Variants in C1QTNF7 observed in about 807,000 individuals in gnomAD.
The protein encoded by C1QTNF7 is C1q and TNF related 7.
A neutral mutation model predicts 19.6 loss-of-function variants in C1QTNF7; 15 were observed. The observed-to-expected ratio is 0.76, with a 90% CI of 0.51 to 1.18. The LOEUF (loss-of-function observed/expected upper bound fraction) is 1.18, where lower values mean the gene tolerates loss of function less well. Among genes scored for constraint, C1QTNF7 ranks in the 50% most tolerant of loss-of-function variants. C1QTNF7 has a pLI of 0.00. For missense variants in C1QTNF7, 324 were observed against 359.7 expected (o/e 0.90, Z 0.80); for synonymous variants, 142 against 137.5 (o/e 1.03, Z -0.23).
chr4:15,366,186 G>A (rs1717516527), intron 1 of C1QTNF7, among the ~76,000 whole-genome samples: 2 of 152,280 alleles, frequency 1.3e-5, no homozygotes, highest in South Asian at 4.1e-4. Flanking sequence ...ATTTGCCTGA[G>A]ACTTTTCTGG....
intron 2 of C1QTNF7, 68 bp downstream of exon 2, chr4:15,436,049 G>A: frequency 6.5e-7 from 1 of 1,541,530 alleles, no homozygotes; most frequent in Non-Finnish European, 8.7e-7. Flanking sequence ...CCCTTTCTTT[G>A]TTACTTTTTC....
At chr4:15,410,801 A>G (rs988778155) in intron 1 of C1QTNF7, among the ~76,000 whole-genome samples, 1 of 152,208 alleles carries the variant, frequency 6.6e-6, no homozygotes, top group African/African-American at 2.4e-5. Context: ...CAGAACTATT[A>G]GGGGAACAAA....
At chr4:15,366,882 G>A (rs1717543453) in intron 1 of C1QTNF7, among the ~76,000 whole-genome samples, 1 of 152,166 alleles carries the variant, frequency 6.6e-6, no homozygotes, top group Non-Finnish European at 1.5e-5. Context: ...GCAGGGTCAT[G>A]CTGATGCACA....
At chr4:15,344,495 A>G (rs914782490) in intron 1 of C1QTNF7, among the ~76,000 whole-genome samples, 2 of 152,192 alleles carry the variant, frequency 1.3e-5, no homozygotes, top group African/African-American at 4.8e-5. Flanking sequence ...GACAACCCTC[A>G]GGCCTCAGTA....
intron 1 of C1QTNF7, among the ~76,000 whole-genome samples, chr4:15,414,774 A>G (rs1719530611): frequency 2.6e-5 from 4 of 152,174 alleles, no homozygotes; most frequent in Admixed American, 2.6e-4. Context: ...CTCTGATTCT[A>G]GAGTTGTTCT....
chr4:15,426,835 G>T (rs968349737), upstream of C1QTNF7, among the ~76,000 whole-genome samples: 1 of 152,136 alleles, frequency 6.6e-6, no homozygotes, highest in African/African-American at 2.4e-5. Context: ...GCTTGTAAAT[G>T]GGTGACATCA....
chr4:15,430,580 A>G (rs1712258037), intron 1 of C1QTNF7, among the ~76,000 whole-genome samples: 1 of 152,206 alleles, frequency 6.6e-6, no homozygotes, highest in Admixed American at 6.5e-5. Context: ...TTGGATTGTG[A>G]TGTACATTAA....
intron 1 of C1QTNF7, among the ~76,000 whole-genome samples, chr4:15,417,109 C>T (rs1198216563): frequency 6.6e-6 from 1 of 152,108 alleles, no homozygotes; most frequent in Non-Finnish European, 1.5e-5. Flanking sequence ...CAAATGAGGA[C>T]CTGAAACTAG....
At chr4:15,340,669 T>G (rs1228453234) in intron 1 of C1QTNF7, among the ~76,000 whole-genome samples, 2 of 152,230 alleles carry the variant, frequency 1.3e-5, no homozygotes, top group Non-Finnish European at 2.9e-5. Context: ...TAAGTGCAGT[T>G]ACTATGGCTT....
At chr4:15,430,745 T>C (rs1175220463) in intron 1 of C1QTNF7, among the ~76,000 whole-genome samples, 1 of 152,100 alleles carries the variant, frequency 6.6e-6, no homozygotes, top group Non-Finnish European at 1.5e-5. Context: ...GGGTAAAGAG[T>C]GGATTATTCA....
intron 1 of C1QTNF7, among the ~76,000 whole-genome samples, chr4:15,433,366 C>T (rs1231683685): frequency 6.6e-6 from 1 of 151,936 alleles, no homozygotes. Flanking sequence ...TGCTCCATCA[C>T]CACAGCAAAA....
At chr4:15,442,067 C>A in intron 2 of C1QTNF7, 101 bp from the exon 3 acceptor site, 1 of 1,357,868 alleles carries the variant, frequency 7.4e-7, no homozygotes, top group South Asian at 1.5e-5. Context: ...TAAATGTTGC[C>A]TGAAAAGACA....
chr4:15,436,604 AT>A (rs1712547161), intron 2 of C1QTNF7, among the ~76,000 whole-genome samples: 1 of 152,230 alleles, frequency 6.6e-6, no homozygotes, highest in Non-Finnish European at 1.5e-5. Context: ...TAAAAAGCAG[AT>A]TTTTACAGCT....
intron 1 of C1QTNF7, among the ~76,000 whole-genome samples, chr4:15,382,429 C>T (rs1299501570): frequency 6.6e-6 from 1 of 151,674 alleles, no homozygotes; most frequent in African/African-American, 2.4e-5. Context: ...TTCTAGAACA[C>T]AATTCAAAGC....
At chr4:15,440,316 A>G in intron 2 of C1QTNF7, among the ~76,000 whole-genome samples, 1 of 151,996 alleles carries the variant, frequency 6.6e-6, no homozygotes, top group African/African-American at 2.4e-5. Context: ...CTTGACTCCA[A>G]CCCCAAAGGT....
chr4:15,404,558 C>A (rs1719125722), intron 1 of C1QTNF7, among the ~76,000 whole-genome samples: 1 of 152,146 alleles, frequency 6.6e-6, no homozygotes, highest in South Asian at 2.1e-4. Flanking sequence ...AAAGATCCAC[C>A]TCAGTAATTT....
intron 1 of C1QTNF7, among the ~76,000 whole-genome samples, chr4:15,398,792 C>T (rs888392311): frequency 6.6e-6 from 1 of 152,148 alleles, no homozygotes; most frequent in Non-Finnish European, 1.5e-5. Flanking sequence ...TATTAAAAAG[C>T]ATTAGAGCAG....
upstream of C1QTNF7, among the ~76,000 whole-genome samples, chr4:15,425,027 T>G (rs760043796): frequency 1.3e-5 from 2 of 152,036 alleles, no homozygotes; most frequent in African/African-American, 4.8e-5. Flanking sequence ...ATCTGACATA[T>G]AGTAGCAGCT....
chr4:15,406,823 G>A (rs924701659), intron 1 of C1QTNF7, among the ~76,000 whole-genome samples: 4 of 152,012 alleles, frequency 2.6e-5, no homozygotes, highest in Non-Finnish European at 5.9e-5. Flanking sequence ...ATCTTTAAAG[G>A]GGGAAAGAGA....
Sources: allele counts gnomAD v4.1 joint callset (sites outside exome capture counted in the v4.1 genomes callset), GRCh38; gene constraint gnomAD v4.1.1; transcripts MANE v1.5; gene names NCBI Gene and HGNC (gene_info 2026-07-23, HGNC 2026-07-21).